HIVEP2: variants seen among roughly 807,000 people sequenced by gnomAD.
HIVEP2 encodes transcription factor HIVEP2.
HIVEP2 carries 14 observed loss-of-function variants against 180.7 expected under a neutral mutation model. The ratio of observed to expected loss-of-function variants is 0.08; its 90% CI spans 0.05 to 0.12. The LOEUF (loss-of-function observed/expected upper bound fraction) is 0.12. Among genes scored for constraint, HIVEP2 ranks in the 10% least tolerant of loss-of-function variants. The probability of loss-of-function intolerance (pLI) is 1.00; values close to 1 mark genes in which losing one functional copy is unlikely to be tolerated. For synonymous variants in HIVEP2, 1,184 were observed against 1,136.4 expected (o/e 1.04, Z -0.84); for missense variants, 2,579 against 3,008.5 (o/e 0.86, Z 3.34).
intron 1 of HIVEP2, among the ~76,000 whole-genome samples, chr6:142,900,596 A>C (rs1191744542): frequency 2.0e-5 from 3 of 152,150 alleles, no homozygotes; most frequent in African/African-American, 7.2e-5. Flanking sequence ...ACACACAGAA[A>C]AGCAATAACT....
intron 6 of HIVEP2, among the ~76,000 whole-genome samples, chr6:142,766,289 T>A (rs543802563): frequency 2.6e-5 from 4 of 152,224 alleles, no homozygotes; most frequent in Non-Finnish European, 5.9e-5. Context: ...TTCAAAACTA[T>A]GAATAATCAA....
At chr6:142,819,369 G>C (rs1776970006) in intron 2 of HIVEP2, among the ~76,000 whole-genome samples, 1 of 152,296 alleles carries the variant, frequency 6.6e-6, no homozygotes, top group South Asian at 2.1e-4. Context: ...GAGCTTTTAT[G>C]AATCTTAAAG....
chr6:142,770,616 G>C lies in HIVEP2; in HGVS notation c.4123C>G (p.Gln1375Glu). Residue 1375 changes from glutamine to glutamate, a missense_variant, in exon 5 of 10, where the codon CAA (glutamine) becomes GAA (glutamate). Physicochemically the swap from Gln to Glu is conservative, Grantham distance 29. Around this residue, in one of 11 missense-constraint regions of HIVEP2, gnomAD observed 523 missense variants for 577.0 expected, o/e 0.91. Transcript: ENST00000367603. This position sits in a 1 kb window ranked among gnomAD's most constrained non-coding sequence, Gnocchi z 4.7. ...GCTGCGTTGGTGACCAGTGTCCTTTGGGTCATATTCTCATCGACTTTGCAT... is the reference window on the plus strand; with the variant it reads ...GCTGCGTTGGTGACCAGTGTCCTTTCGGTCATATTCTCATCGACTTTGCAT... ...VICKVDENMTQRTLVTNAAMQ... is the reference protein window; with the variant it reads ...VICKVDENMTERTLVTNAAMQ... 1 of 1,614,148 alleles carries C rather than the reference G, an allele frequency of 6.2e-7. No individual in the cohort carries two copies. The highest frequency in any genetic ancestry group is 8.5e-7 in the Non-Finnish European group (1 of 1,180,024).
intron 1 of HIVEP2, among the ~76,000 whole-genome samples, chr6:142,838,258 T>C (rs931895328): frequency 1.3e-5 from 2 of 152,132 alleles, no homozygotes; most frequent in African/African-American, 4.8e-5. Context: ...AGAAAACCTG[T>C]GTCTAGATTC....
chr6:142,941,966 G>A (rs1467941947), intron 1 of HIVEP2, among the ~76,000 whole-genome samples: 1 of 152,152 alleles, frequency 6.6e-6, no homozygotes, highest in African/African-American at 2.4e-5. Flanking sequence ...TTAACAAATA[G>A]GAGATGAGCA....
At chr6:142,942,454 CCT>C (rs1393924354) in intron 1 of HIVEP2, among the ~76,000 whole-genome samples, 1 of 152,224 alleles carries the variant, frequency 6.6e-6, no homozygotes, top group Non-Finnish European at 1.5e-5. Context: ...TATATACTGT[CCT>C]CTGTTTTGTT....
At chr6:142,925,609 A>G (rs938186995) in intron 1 of HIVEP2, among the ~76,000 whole-genome samples, 6 of 152,352 alleles carry the variant, frequency 3.9e-5, no homozygotes, top group Middle Eastern at 3.4e-3. Context: ...TCCTTATTGC[A>G]TAAGTAAGCT....
intron 9 of HIVEP2, among the ~76,000 whole-genome samples, chr6:142,755,655 G>C (rs1775045983): frequency 6.6e-6 from 1 of 152,194 alleles, no homozygotes; most frequent in Admixed American, 6.5e-5. Context: ...AAACTGACTT[G>C]AGATCCCCAA....
At position 142,760,229 on chromosome 6, in the gene HIVEP2, C is replaced by G; in HGVS notation, c.6059G>C (p.Ser2020Thr). Reference sequence around the variant, plus strand: ...TAGCATGCACTCCTCATCCATACAACTAGGTATGTCCAATCTGTCTTTGTC... The same window carrying G: ...TAGCATGCACTCCTCATCCATACAAGTAGGTATGTCCAATCTGTCTTTGTC... ...EPDKDRLDIP[S>T]CMDEECMLPS... is the part of the protein sequence containing the mutation. Residue 2020 changes from serine to threonine, a missense_variant, in exon 9 of 10, where the codon AGT becomes ACT. Around this residue, in one of 11 missense-constraint regions of HIVEP2, gnomAD observed 660 missense variants for 731.7 expected, o/e 0.90. Coordinates refer to ENST00000367603, the MANE Select transcript of HIVEP2 (RefSeq NM_006734.4). 1.2e-6 allele frequency: 2 copies of G among 1,614,132 alleles called. No individual in the cohort carries two copies. Among genetic ancestry groups the G allele is most frequent in the South Asian group, 2.2e-5 (2 of 91,084 alleles).
intron 1 of HIVEP2, among the ~76,000 whole-genome samples, chr6:142,884,197 T>G (rs1205220284): frequency 6.6e-6 from 1 of 152,174 alleles, no homozygotes; most frequent in African/African-American, 2.4e-5. Context: ...GTACTGGATC[T>G]TGGAATGCAT....
At chr6:142,936,328 G>A (rs1330549722) in intron 1 of HIVEP2, among the ~76,000 whole-genome samples, 1 of 151,628 alleles carries the variant, frequency 6.6e-6, no homozygotes, top group Non-Finnish European at 1.5e-5. Flanking sequence ...AAGTAGCTGG[G>A]ACTACAGGCA....
At position 142,773,171 on chromosome 6, in the gene HIVEP2, A is replaced by G; in HGVS notation, c.1568T>C (p.Phe523Ser). The G allele has an allele frequency of 6.2e-7, 1 of 1,614,168 alleles. No individual in the cohort carries two copies. Among genetic ancestry groups the G allele is most frequent in the Non-Finnish European group, 8.5e-7 (1 of 1,180,024 alleles). The change falls in exon 5 of 10, where the codon TTC (phenylalanine) becomes TCC (serine). Residue 523 changes from phenylalanine (F) to serine (S), a missense_variant. By Grantham distance (155) the Phe-to-Ser change is radical. Transcript: ENST00000367603. The stretch of plus-strand genomic sequence containing the variant: ...TAAGAGAACCGGGTTGCTGCCTTGG[A>G]AGTTTGCTGGATAAAGTTTTCCTTC... ...RNEGKLYPAN[F>S]QGSNPVLLEA... is the part of the protein sequence containing the mutation.
intron 1 of HIVEP2, among the ~76,000 whole-genome samples, chr6:142,882,675 T>G (rs1451204759): frequency 3.3e-5 from 5 of 151,992 alleles, no homozygotes; most frequent in Admixed American, 3.3e-4. Flanking sequence ...ATATATTCCC[T>G]CTCAGAATGA....
At chr6:142,906,638 A>T (rs1234389485) in intron 1 of HIVEP2, among the ~76,000 whole-genome samples, 2 of 152,122 alleles carry the variant, frequency 1.3e-5, no homozygotes, top group Non-Finnish European at 2.9e-5. Flanking sequence ...AATATTCAGC[A>T]ATAAGGGGAT....
At chr6:142,890,216 A>C (rs921911995) in intron 1 of HIVEP2, among the ~76,000 whole-genome samples, 2 of 152,250 alleles carry the variant, frequency 1.3e-5, no homozygotes, top group East Asian at 1.9e-4. Flanking sequence ...GCTCTACATC[A>C]GTAAAACAAT....
chr6:142,934,488 C>T (rs1265797639), intron 1 of HIVEP2, among the ~76,000 whole-genome samples: 1 of 152,144 alleles, frequency 6.6e-6, no homozygotes, highest in Non-Finnish European at 1.5e-5. Context: ...ATCTGAAATC[C>T]TCATTTTACC....
At chr6:142,867,256 T>C (rs1776164196) in intron 1 of HIVEP2, among the ~76,000 whole-genome samples, 1 of 152,160 alleles carries the variant, frequency 6.6e-6, no homozygotes, top group African/African-American at 2.4e-5. Context: ...TTTGTGTTAA[T>C]AACTTTACAG....
At chr6:142,852,328 T>C (rs1205531822) in intron 1 of HIVEP2, among the ~76,000 whole-genome samples, 1 of 152,128 alleles carries the variant, frequency 6.6e-6, no homozygotes, top group Non-Finnish European at 1.5e-5. Flanking sequence ...CACAATAAAC[T>C]CTTTTTTTCT....
intron 1 of HIVEP2, among the ~76,000 whole-genome samples, chr6:142,917,401 G>A (rs1777581622): frequency 6.6e-6 from 1 of 152,218 alleles, no homozygotes; most frequent in African/African-American, 2.4e-5. Context: ...CACCGCAGCA[G>A]AAGCAACAGG....
Sources: gnomAD v4.1 joint callset for allele counts (sites outside exome capture counted in the v4.1 genomes callset) on GRCh38, gnomAD v4.1.1 for gene constraint, gnomAD v4.1.1 regional missense constraint, Gnocchi (gnomAD v3.1) non-coding constraint, MANE v1.5 for transcripts, NCBI Gene and HGNC (gene_info 2026-07-23, HGNC 2026-07-21) for gene names.